Variants in P2RY14 observed in about 807,000 individuals in gnomAD.
P2RY14 encodes P2Y purinoceptor 14.
Under a neutral mutation model 0.9 loss-of-function variants are expected in P2RY14, and 2 were observed. That is an observed-to-expected ratio of 2.16 (90% CI 0.88 to 6.79). The LOEUF is 6.79. Among genes scored for constraint, P2RY14 ranks in the 30% most tolerant of loss-of-function variants. The pLI is 0.05. For synonymous variants in P2RY14, 158 were observed against 147.2 expected (o/e 1.07, Z -0.53); for missense variants, 378 against 400.1 (o/e 0.94, Z 0.47).
At chr3:151,240,157 G>A (rs16863276) in intron 1 of P2RY14, among the ~76,000 whole-genome samples, 3,914 of 152,010 alleles carry the variant, frequency 0.026, 157 homozygotes, top group African/African-American at 0.09. Flanking sequence ...GAGTGGCCCC[G>A]TTTTTTAGAG....
chr3:151,228,912 C>T (rs1731060745), intron 1 of P2RY14, among the ~76,000 whole-genome samples: 1 of 152,184 alleles, frequency 6.6e-6, no homozygotes, highest in Non-Finnish European at 1.5e-5. Context: ...AATCCATGAC[C>T]TCTTTTCGCC....
intron 1 of P2RY14, among the ~76,000 whole-genome samples, chr3:151,261,005 A>G (rs9757688): frequency 0.47 from 71,202 of 151,890 alleles, 16,827 homozygotes; most frequent in Middle Eastern, 0.65. Context: ...TGTGTGTTGC[A>G]GGGCAAGCAT....
intron 1 of P2RY14, among the ~76,000 whole-genome samples, chr3:151,277,913 T>C (rs565683483): frequency 2.6e-5 from 4 of 152,360 alleles, no homozygotes; most frequent in African/African-American, 9.6e-5. Flanking sequence ...CTAAGTATTA[T>C]GCTAATCGAT....
chr3:151,264,932 C>T (rs1439842635), intron 1 of P2RY14, among the ~76,000 whole-genome samples: 1 of 148,948 alleles, frequency 6.7e-6, no homozygotes, highest in African/African-American at 2.6e-5. Context: ...GGCCTTCTTG[C>T]TCTTGCTCCT....
In P2RY14 at chr3:151,214,253, G is replaced by A; in HGVS notation, c.64C>T (p.Gln22Ter). Residue 22 changes from glutamine (Q) to a stop codon, truncating the protein, a stop_gained, in exon 3 of 3, where the codon CAG becomes TAG. Transcript: ENST00000309170. LOFTEE classifies it low-confidence loss of function (END_TRUNC). ...ESCSQNLLITQQIIPVLYCMV... is the reference protein window; with the variant it reads ...ESCSQNLLIT ...CAGTACAGCACAGGAATGATCTGCT[G>A]AGTGATCAGGAGGTTCTGAGAGCAG... 1 of 1,613,948 alleles carries A rather than the reference G, an allele frequency of 6.2e-7. No individual in the cohort carries two copies.
chr3:151,243,564 A>G lies in P2RY14; in HGVS notation c.-132-23922T>C, dbSNP rs373889991. Among the ~76,000 whole-genome samples, 13 of 152,070 alleles carry G rather than the reference A, an allele frequency of 8.5e-5. No homozygotes were observed. The South Asian group carries it at 1.2e-3, about 15-fold the overall frequency. On this transcript the variant is annotated intron_variant, in intron 1 of 2. Coordinates refer to ENST00000309170, the MANE Select transcript of P2RY14 (RefSeq NM_014879.4). ...TAAAATACTTTACAGACAAGCAAAT[A>G]CTGAGAGATTTTGTCACCACCAGGC...
chr3:151,232,824 C>T (rs1265490205), intron 1 of P2RY14, among the ~76,000 whole-genome samples: 1 of 152,130 alleles, frequency 6.6e-6, no homozygotes, highest in Non-Finnish European at 1.5e-5. Flanking sequence ...AGAAAGATAA[C>T]TATTGGGTAC....
intron 1 of P2RY14, among the ~76,000 whole-genome samples, chr3:151,242,167 C>A (rs569839896): frequency 6.6e-6 from 1 of 152,164 alleles, no homozygotes. Flanking sequence ...AGTCTGAGAT[C>A]AAACTGCAAG....
chr3:151,270,390 T>A (rs1266303796), intron 1 of P2RY14, among the ~76,000 whole-genome samples: 1 of 152,134 alleles, frequency 6.6e-6, no homozygotes, highest in Non-Finnish European at 1.5e-5. Flanking sequence ...TTTTATCCCT[T>A]CTTGTCTGAA....
chr3:151,237,978 C>T (rs530677373), intron 1 of P2RY14, among the ~76,000 whole-genome samples: 1 of 152,102 alleles, frequency 6.6e-6, no homozygotes, highest in African/African-American at 2.4e-5. Flanking sequence ...AATAGGCTTT[C>T]TAGATTGTGA....
At chr3:151,259,266 A>G (rs1738419151) in intron 1 of P2RY14, among the ~76,000 whole-genome samples, 1 of 152,242 alleles carries the variant, frequency 6.6e-6, no homozygotes, top group Admixed American at 6.5e-5. Context: ...GCTTTCCTTC[A>G]GAAATAGGCA....
At chr3:151,221,184 G>GA (rs1295600019) in intron 1 of P2RY14, among the ~76,000 whole-genome samples, 1 of 152,188 alleles carries the variant, frequency 6.6e-6, no homozygotes, top group African/African-American at 2.4e-5. Context: ...TCTAGCTGAA[G>GA]AAATTTCTAA....
intron 1 of P2RY14, among the ~76,000 whole-genome samples, chr3:151,244,983 A>G (rs1353587294): frequency 1.2e-4 from 18 of 149,724 alleles, no homozygotes; most frequent in Admixed American, 2.0e-4. Context: ...AGATAATACT[A>G]CAAACACCTC....
intron 1 of P2RY14, among the ~76,000 whole-genome samples, chr3:151,272,964 G>A (rs180738260): frequency 1.4e-4 from 21 of 152,190 alleles, no homozygotes; most frequent in African/African-American, 4.6e-4. Flanking sequence ...TTCAATATCC[G>A]AAACTTTTTG....
rs569422901 is a variant in P2RY14, at chr3:151,261,986, C to T, written c.-133+16301G>A. ...AAGTGATTGACCCGCCTCGGCCTCC[C>T]AGTGTGCTAAGATTACAGGTATGTG... On this transcript the variant is annotated intron_variant, in intron 1 of 2. Transcript: ENST00000309170. 2.6e-5 allele frequency among the ~76,000 whole-genome samples: 4 copies of T among 152,140 alleles called. No homozygotes were observed. The South Asian group carries it at 8.3e-4, about 32-fold the overall frequency.
intron 1 of P2RY14, among the ~76,000 whole-genome samples, chr3:151,225,941 C>A (rs936179131): frequency 6.6e-6 from 1 of 152,174 alleles, no homozygotes; most frequent in Non-Finnish European, 1.5e-5. Flanking sequence ...TACATTGTAA[C>A]CTTTGGCTCC....
chr3:151,225,779 G>A (rs1374550155), intron 1 of P2RY14, among the ~76,000 whole-genome samples: 4 of 152,048 alleles, frequency 2.6e-5, no homozygotes, highest in African/African-American at 7.2e-5. Flanking sequence ...CACAGCATTT[G>A]ATGTTTGACA....
In P2RY14 at chr3:151,212,595, A is replaced by G. The variant is rs1727350829; in HGVS notation, c.*705T>C. 6.6e-6 allele frequency: 1 copy of G among 152,134 alleles called. No homozygotes were observed. Among genetic ancestry groups the G allele is most frequent in the Non-Finnish European group, 1.5e-5 (1 of 68,016 alleles). The allele number at this position is 152,134 out of a possible 1,614,324, so 9.4% of individuals were successfully genotyped here. ...GCCTACTTAAAAATATTCTAACACC[A>G]GAACCCCAGGCTCATTAAATGACGT... On this transcript the variant is annotated 3_prime_UTR_variant, in exon 3 of 3. Transcript: ENST00000309170.
intron 1 of P2RY14, among the ~76,000 whole-genome samples, chr3:151,247,962 C>CT (rs61102632): frequency 0.12 from 9,232 of 75,592 alleles, 843 homozygotes; most frequent in Non-Finnish European, 0.15. Context: ...TCTTCTTCTT[C>CT]TTTTTTTTTT....
Sources: allele counts gnomAD v4.1 joint callset (sites outside exome capture counted in the v4.1 genomes callset), GRCh38; gene constraint gnomAD v4.1.1; transcripts MANE v1.5; gene names NCBI Gene and HGNC (gene_info 2026-07-23, HGNC 2026-07-21).